The following DLG5 variants were observed in gnomAD, a reference collection of about 807,000 sequenced individuals.
DLG5 encodes the protein disks large homolog 5.
In DLG5, 48 loss-of-function variants were observed where a neutral mutation model predicts 189.8. The observed-to-expected ratio is 0.25, with a 90% CI of 0.20 to 0.32. DLG5 has a LOEUF of 0.32. Among genes scored for constraint, DLG5 ranks in the 10% least tolerant of loss-of-function variants. The probability of loss-of-function intolerance (pLI) is 1.00; values close to 1 mark genes in which losing one functional copy is unlikely to be tolerated. For missense variants in DLG5, 2,160 were observed against 2,544.7 expected (o/e 0.85, Z 3.25); for synonymous variants, 1,016 against 1,054.1 (o/e 0.96, Z 0.70).
intron 3 of DLG5, among the ~76,000 whole-genome samples, chr10:77,855,900 G>A (rs937085282): frequency 1.3e-5 from 2 of 152,158 alleles, no homozygotes; most frequent in Admixed American, 1.3e-4. Context: ...TTCCCAGAAA[G>A]TCCTCTTAGA....
chr10:77,830,545 C>T (rs933003541), intron 10 of DLG5, among the ~76,000 whole-genome samples, 196 bp downstream of exon 10: 2 of 152,222 alleles, frequency 1.3e-5, no homozygotes, highest in East Asian at 1.9e-4. Flanking sequence ...TCCCTGTCAG[C>T]GTCCTCCGAG....
Position 77,793,554 on chromosome 10 carries a change from T to A in DLG5, c.5656+454A>T, listed in dbSNP as rs796546502. Reference sequence around the variant, plus strand: ...CATTGTTTTTTTTTGTTTTGTTTTTTGTTTTTTTTTTTTTGGAGGGGGGTT... The same window carrying A: ...CATTGTTTTTTTTTGTTTTGTTTTTAGTTTTTTTTTTTTTGGAGGGGGGTT... On this transcript the variant is annotated intron_variant, in intron 31 of 31. Coordinates refer to ENST00000372391, the MANE Select transcript of DLG5 (RefSeq NM_004747.4). 2.3e-4 allele frequency: 29 copies of A among 127,394 alleles called. 2 individuals are homozygous for A. Among genetic ancestry groups the A allele is most frequent in the African/African-American group, 1.1e-3 (29 of 26,762 alleles). The allele number at this position is 127,394 out of a possible 1,614,324, so 7.9% of individuals were successfully genotyped here.
At chr10:77,807,672 AATG>A in intron 25 of DLG5, 121 bp downstream of exon 25, 1 of 1,157,012 alleles carries the variant, frequency 8.6e-7, no homozygotes, top group Non-Finnish European at 1.2e-6. Flanking sequence ...AGTGTCAAGG[AATG>A]ATGATCATGG....
At chr10:77,906,685 C>T (rs1436929061) in intron 1 of DLG5, among the ~76,000 whole-genome samples, 1 of 141,312 alleles carries the variant, frequency 7.1e-6, no homozygotes, top group East Asian at 2.2e-4. Context: ...AGTGCAGTGG[C>T]ACAATCTTGG....
chr10:77,794,202 C>T (rs1840787410), intron 30 of DLG5, 85 bp from the exon 31 acceptor site: 1 of 1,245,346 alleles, frequency 8.0e-7, no homozygotes, highest in African/African-American at 1.5e-5. Flanking sequence ...ACAGGGGCCC[C>T]ATCAAGGCAG....
Position 77,824,490 on chromosome 10 carries a change from G to C in DLG5, c.2290-14C>G. On this transcript the variant is annotated splice_polypyrimidine_tract_variant and intron_variant, in intron 13 of 31. Transcript: ENST00000372391. ...AATGCCATTGATCTAGAGCAGGACA[G>C]AGAGCATGTCAGGCCACAGGCAGAG... 6.2e-7 allele frequency: 1 copy of C among 1,608,892 alleles called. No homozygotes were observed. The highest frequency in any genetic ancestry group is 8.5e-7 in the Non-Finnish European group (1 of 1,176,216).
rs1462569277 is a variant in DLG5, at chr10:77,926,512, G to C, written c.9C>G (p.Pro3=). 1.2e-5 allele frequency: 16 copies of C among 1,320,942 alleles called. No homozygotes were observed. The South Asian group carries it at 2.9e-4, about 24-fold the overall frequency. The allele number at this position is 1,320,942 out of a possible 1,614,324, so 81.8% of individuals were successfully genotyped here. A position where few individuals can be genotyped will look rare whatever the true frequency, so the allele number is the denominator to read the frequency against. The change falls in exon 1 of 32, where the codon CCC becomes CCG. Residue 3 remains proline, a synonymous_variant. Coordinates refer to ENST00000372391, the MANE Select transcript of DLG5 (RefSeq NM_004747.4). The surrounding 1 kb of genome is among the most constrained non-coding windows in gnomAD (Gnocchi z 5.2). ...ACTGGGCGAGCAGCTCCCGGCGCTG[G>C]GGCTCCATGGTGGCGGGCCGCGCCG... ME[P]QRRELLAQCQ...
the DLG5 span, among the ~76,000 whole-genome samples, chr10:77,939,041 G>T: frequency 6.6e-6 from 1 of 152,170 alleles, no homozygotes; most frequent in Non-Finnish European, 1.5e-5. Context: ...TTAGCCGGGT[G>T]TGGTGGCGCA....
chr10:77,821,710 G>A lies in DLG5; in HGVS notation c.2774C>T (p.Pro925Leu), dbSNP rs1424798749. Residue 925 changes from proline to leucine, a missense_variant, in exon 15 of 32, where the codon CCC (proline) becomes CTC (leucine). Transcript: ENST00000372391. The part of the protein sequence containing the change: ...PLLPFETEVG[P>L]CGVGEASLDK... ...CAGGGAGGCCTCCCCAACCCCACAG[G>A]GGCCCACCTCGGTCTCAAAGGGCAG... The A allele has an allele frequency of 1.2e-6, 2 of 1,611,818 alleles. No homozygotes were observed. The highest frequency in any genetic ancestry group is 1.7e-6 in the Non-Finnish European group (2 of 1,179,504).
intron 26 of DLG5, chr10:77,806,154 C>T (rs1841460297): frequency 1.2e-5 from 5 of 404,516 alleles, no homozygotes; most frequent in Non-Finnish European, 2.2e-5. Context: ...CAATTGGTGA[C>T]ATGACGAGTT....
In DLG5 at chr10:77,821,322, G is replaced by A. The variant is rs765498875; in HGVS notation, c.3162C>T (p.Asp1054=). 1.3e-5 allele frequency: 21 copies of A among 1,613,198 alleles called. No homozygotes were observed. Among genetic ancestry groups the A allele is most frequent in the Admixed American group, 5.0e-5 (3 of 60,004 alleles). The change falls in exon 15 of 32, where the codon GAC becomes GAT. Residue 1054 remains aspartate, a synonymous_variant. Coordinates refer to ENST00000372391, the MANE Select transcript of DLG5 (RefSeq NM_004747.4). ...STSPPSALPP[D]VDPGEPMHAS... ...CGTGCATGGGCTCCCCGGGGTCCAC[G>A]TCAGGGGGCAGGGCGCTCGGGGGAC...
intron 22 of DLG5, among the ~76,000 whole-genome samples, chr10:77,811,702 G>C (rs1841781007): frequency 1.3e-5 from 2 of 152,170 alleles, no homozygotes; most frequent in South Asian, 4.1e-4. Context: ...CTGCTGGTCA[G>C]GGGGACCACA....
Position 77,805,032 on chromosome 10 carries a change from G to A in DLG5, c.5164+633C>T, listed in dbSNP as rs577794537. ...GTCACCCAGGCTGGAGTACGGTGGC[G>A]TGATCTTGGCTCACTGCACCTCCGC... On this transcript the variant is annotated intron_variant, in intron 27 of 31. Transcript: ENST00000372391. 6.6e-5 allele frequency among the ~76,000 whole-genome samples: 10 copies of A among 152,250 alleles called. No homozygotes were observed. In the East Asian group the frequency reaches 1.4e-3, roughly 21 times the overall value.
Position 77,829,433 on chromosome 10 carries a change from T to G in DLG5, c.2107A>C (p.Asn703His). 3.1e-6 allele frequency: 5 copies of G among 1,614,254 alleles called. No homozygotes were observed. The highest frequency in any genetic ancestry group is 4.2e-6 in the Non-Finnish European group (5 of 1,180,042). The change falls in exon 12 of 32, where the codon AAC becomes CAC. Residue 703 changes from asparagine (N) to histidine (H), a missense_variant. Asn to His is a moderately conservative substitution (Grantham distance 68, BLOSUM62 1). This residue lies in a region of DLG5 where 107 missense variants were observed against 214.5 expected (regional missense o/e 0.50). Coordinates refer to ENST00000372391, the MANE Select transcript of DLG5 (RefSeq NM_004747.4). ...GACTTCCTCCGCCGCACGACCATGT[T>G]GATGGCCCCCTCCCCATTGAGGAGC... The part of the protein sequence containing the change: ...KALLNGEGAI[N>H]MVVRRRKSLG...
the DLG5 span, among the ~76,000 whole-genome samples, chr10:77,933,868 A>T: frequency 6.6e-6 from 1 of 151,892 alleles, no homozygotes; most frequent in Non-Finnish European, 1.5e-5. Context: ...CACAAATGTG[A>T]TTAAAGTTCT....
At position 77,869,119 on chromosome 10, in the gene DLG5, T is replaced by C; in HGVS notation, c.373+10A>G. On this transcript the variant is annotated intron_variant, in intron 2 of 31. Coordinates refer to ENST00000372391, the MANE Select transcript of DLG5 (RefSeq NM_004747.4). The stretch of plus-strand genomic sequence containing the variant: ...CCCACCCGGTGTCCTCCCCAGACAG[T>C]GGTACTCACCCACACTGCTGAGGGA... 1 of 1,613,030 alleles carries C rather than the reference T, an allele frequency of 6.2e-7. No individual in the cohort carries two copies. Among genetic ancestry groups the C allele is most frequent in the Non-Finnish European group, 8.5e-7 (1 of 1,179,374 alleles).
chr10:77,902,873 A>AT (rs1409571592), intron 1 of DLG5, among the ~76,000 whole-genome samples: 1,917 of 95,542 alleles, frequency 0.02, 33 homozygotes, highest in African/African-American at 0.049. Flanking sequence ...AAATAAATAA[A>AT]AAAATAAATA....
chr10:77,936,702 T>C, the DLG5 span, among the ~76,000 whole-genome samples: 2 of 152,222 alleles, frequency 1.3e-5, no homozygotes, highest in African/African-American at 4.8e-5. Flanking sequence ...AATGAAGAGC[T>C]AAGAAGTTGC....
At chr10:77,867,284 C>T (rs1844721063) in intron 2 of DLG5, among the ~76,000 whole-genome samples, 3 of 152,108 alleles carry the variant, frequency 2.0e-5, no homozygotes. Context: ...TGCACATGTG[C>T]CTAGGAAAGG....
Sources: allele counts gnomAD v4.1 joint callset (sites outside exome capture counted in the v4.1 genomes callset), GRCh38; gene constraint gnomAD v4.1.1; regional missense constraint gnomAD v4.1.1; non-coding constraint Gnocchi (gnomAD v3.1); transcripts MANE v1.5; gene names NCBI Gene and HGNC (gene_info 2026-07-23, HGNC 2026-07-21).